The following ABCC4 variants were observed in gnomAD, a reference collection of about 807,000 sequenced individuals.
ABCC4 encodes the protein ATP binding cassette subfamily C member 4 (PEL blood group).
A neutral mutation model predicts 168.5 loss-of-function variants in ABCC4; 102 were observed. That is an observed-to-expected ratio of 0.61 (90% CI 0.52 to 0.71). The LOEUF is 0.71. ABCC4 is among the 30% of genes least tolerant of loss of function. The probability of loss-of-function intolerance (pLI) is 0.00; values close to 1 mark genes in which losing one functional copy is unlikely to be tolerated. For synonymous variants in ABCC4, 617 were observed against 590.7 expected (o/e 1.04, Z -0.65); for missense variants, 1,402 against 1,605.8 (o/e 0.87, Z 2.17).
At chr13:95,136,642 A>C (rs2036152382) in intron 19 of ABCC4, among the ~76,000 whole-genome samples, 1 of 152,202 alleles carries the variant, frequency 6.6e-6, no homozygotes, top group Non-Finnish European at 1.5e-5. Context: ...TTCCTCTACA[A>C]ATAGCATGCT....
At chr13:95,251,209 G>C (rs780481923) in intron 1 of ABCC4, among the ~76,000 whole-genome samples, 1 of 152,078 alleles carries the variant, frequency 6.6e-6, no homozygotes, top group Non-Finnish European at 1.5e-5. Context: ...ACAAGTAAAG[G>C]AGGAAATAAA....
At chr13:95,029,188 A>ATC (rs1566355158) in intron 30 of ABCC4, among the ~76,000 whole-genome samples, 26 of 86,560 alleles carry the variant, frequency 3.0e-4, no homozygotes, top group African/African-American at 9.9e-4. Context: ...ATATATATAT[A>ATC]TATATATATA....
intron 19 of ABCC4, among the ~76,000 whole-genome samples, chr13:95,160,673 G>A (rs747006669): frequency 6.6e-6 from 1 of 152,202 alleles, no homozygotes; most frequent in East Asian, 1.9e-4. Context: ...TTATCTTTCA[G>A]GGAAACCTCA....
At chr13:95,213,796 C>A (rs1346369687) in intron 4 of ABCC4, among the ~76,000 whole-genome samples, 1 of 152,184 alleles carries the variant, frequency 6.6e-6, no homozygotes, top group Admixed American at 6.5e-5. Context: ...AGGGGCCAAT[C>A]TGCCAGGAAT....
intron 20 of ABCC4, chr13:95,095,946 G>A (rs2034581950): frequency 5.1e-6 from 2 of 388,742 alleles, no homozygotes; most frequent in East Asian, 7.3e-5. Context: ...CACTTAAATA[G>A]GTGCTTACCC....
intron 20 of ABCC4, among the ~76,000 whole-genome samples, chr13:95,086,095 G>GTGTGTGTA (rs1242208643): frequency 6.6e-6 from 1 of 151,382 alleles, no homozygotes; most frequent in Non-Finnish European, 1.5e-5. Context: ...TATTGTGTGT[G>GTGTGTGTA]TGTGTGTGTG....
intron 1 of ABCC4, among the ~76,000 whole-genome samples, chr13:95,296,963 G>T (rs562284939): frequency 6.6e-6 from 1 of 152,260 alleles, no homozygotes; most frequent in East Asian, 1.9e-4. Context: ...TGTTAGAAAT[G>T]AAACAATAGC....
At chr13:95,193,778 T>C (rs1174896506) in intron 9 of ABCC4, among the ~76,000 whole-genome samples, 1 of 152,204 alleles carries the variant, frequency 6.6e-6, no homozygotes, top group Non-Finnish European at 1.5e-5. Context: ...CAGGCAACCA[T>C]GGGCAGAACC....
At chr13:95,027,060 AATTTTT>A (rs990225784) in intron 30 of ABCC4, among the ~76,000 whole-genome samples, 1 of 152,140 alleles carries the variant, frequency 6.6e-6, no homozygotes, top group African/African-American at 2.4e-5. Context: ...AACTTTTTAA[AATTTTT>A]ATTTTTATGT....
intron 1 of ABCC4, among the ~76,000 whole-genome samples, chr13:95,299,726 G>C (rs1228347756): frequency 6.6e-6 from 1 of 152,124 alleles, no homozygotes; most frequent in African/African-American, 2.4e-5. Context: ...ATATCAACAT[G>C]TGGGAAAGAT....
intron 19 of ABCC4, among the ~76,000 whole-genome samples, chr13:95,159,485 A>T (rs1030594380): frequency 6.6e-6 from 1 of 152,080 alleles, no homozygotes; most frequent in African/African-American, 2.4e-5. Flanking sequence ...CTGGGTCCCA[A>T]ATCCCTGAAT....
At chr13:95,110,985 G>GAAAAAAAAAAAAAAAAGAAA (rs35464540) in intron 20 of ABCC4, among the ~76,000 whole-genome samples, 2 of 123,294 alleles carry the variant, frequency 1.6e-5, no homozygotes, top group Admixed American at 8.3e-5. Context: ...AAAAAAGAAA[G>GAAAAAAAAAAAAAAAAGAAA]AAAAAAAAAA....
rs1038350605 is a variant in ABCC4 at position 95,060,026 on chromosome 13, T to C, written c.3366+2678A>G. On this transcript the variant is annotated intron_variant, in intron 26 of 30. Coordinates refer to ENST00000645237, the MANE Select transcript of ABCC4 (RefSeq NM_005845.5). ...GTGGGTCGTGTTGACGCTTAGAAGA[T>C]GCTCTGAAAGATTCTATCCCAGGCA... Among the ~76,000 whole-genome samples, 4 of 152,256 alleles carry C rather than the reference T, an allele frequency of 2.6e-5. No homozygotes were observed. In the East Asian group the frequency reaches 7.7e-4, roughly 29 times the overall value.
rs117620030 is a variant in ABCC4, at chr13:95,078,143, A to G, written c.2687-2592T>C. On this transcript the variant is annotated intron_variant, in intron 21 of 30. Coordinates refer to ENST00000645237, the MANE Select transcript of ABCC4 (RefSeq NM_005845.5). ...CTTCCCTGAGCATAGATTCTCCACC[A>G]GAATGTGATCTGGCACTTCCCTTAT... 6.0e-3 allele frequency among the ~76,000 whole-genome samples: 914 copies of G among 152,322 alleles called. 7 individuals carry two copies. The highest frequency in any genetic ancestry group is 0.01 in the Non-Finnish European group (714 of 68,030).
At chr13:95,203,832 G>C (rs922198415) in intron 8 of ABCC4, among the ~76,000 whole-genome samples, 2 of 152,116 alleles carry the variant, frequency 1.3e-5, no homozygotes, top group Admixed American at 6.5e-5. Context: ...CACCCCCCTT[G>C]AACAAGGCCT....
intron 19 of ABCC4, among the ~76,000 whole-genome samples, chr13:95,142,164 C>T (rs2036339304): frequency 6.6e-6 from 1 of 152,060 alleles, no homozygotes. Context: ...TTTGCAATTG[C>T]AAAAATGTGG....
At chr13:95,236,529 T>C (rs956835232) in intron 3 of ABCC4, among the ~76,000 whole-genome samples, 2 of 152,082 alleles carry the variant, frequency 1.3e-5, no homozygotes, top group African/African-American at 4.8e-5. Flanking sequence ...ACAGAAGACA[T>C]TCCCATCCCT....
At chr13:95,069,196 C>T (rs945323294) in intron 25 of ABCC4, among the ~76,000 whole-genome samples, 13 of 152,152 alleles carry the variant, frequency 8.5e-5, no homozygotes, top group African/African-American at 7.2e-5. Flanking sequence ...CGGGCTGTTG[C>T]GGGAGCTGTC....
At chr13:95,148,056 G>C (rs974471051) in intron 19 of ABCC4, among the ~76,000 whole-genome samples, 2 of 152,024 alleles carry the variant, frequency 1.3e-5, no homozygotes, top group African/African-American at 2.4e-5. Flanking sequence ...GGAAAACACA[G>C]ACACCCTTCC....
Sources: allele counts gnomAD v4.1 joint callset (sites outside exome capture counted in the v4.1 genomes callset), GRCh38; gene constraint gnomAD v4.1.1; transcripts MANE v1.5; gene names NCBI Gene and HGNC (gene_info 2026-07-23, HGNC 2026-07-21).